SLC45A4: variants seen among roughly 807,000 people sequenced by gnomAD.
SLC45A4 encodes the protein polyamine-transporter SLC45A4.
SLC45A4 carries 32 observed loss-of-function variants against 63.7 expected under a neutral mutation model. The observed-to-expected ratio is 0.50, with a 90% CI of 0.38 to 0.67. The LOEUF (loss-of-function observed/expected upper bound fraction) is 0.67. Ranked by LOEUF, SLC45A4 falls within the 30% of genes least tolerant of loss-of-function variation. The pLI, the probability that SLC45A4 is intolerant of heterozygous loss-of-function variation, is 0.00. For synonymous variants in SLC45A4, 535 were observed against 510.0 expected, an observed-to-expected ratio of 1.05 and a Z score of -0.66; for missense variants, 1,027 against 1,157.7, an observed-to-expected ratio of 0.89 and a Z score of 1.64.
At chr8:141,299,615 A>T (rs1830678072) in intron 1 of SLC45A4, among the ~76,000 whole-genome samples, 1 of 152,204 alleles carries the variant, frequency 6.6e-6, no homozygotes, top group African/African-American at 2.4e-5. Context: ...GAGGACTTCC[A>T]CACTCCAAGC....
rs1825756201 is a variant in SLC45A4 at position 141,210,701 on chromosome 8, T to C, written c.*871A>G. 6.6e-6 allele frequency: 1 copy of C among 152,232 alleles called. No homozygotes were observed. The highest frequency in any genetic ancestry group is 1.5e-5 in the Non-Finnish European group (1 of 68,036). The allele number at this position is 152,232 out of a possible 1,614,324, so 9.4% of individuals were successfully genotyped here. A position where few individuals can be genotyped will look rare whatever the true frequency, so the allele number is the denominator to read the frequency against. On this transcript the variant is annotated 3_prime_UTR_variant, in exon 9 of 9. Coordinates refer to ENST00000517878, the MANE Select transcript of SLC45A4 (RefSeq NM_001286646.2). ...ATATATATTTGCTCTAGAATGATCA[T>C]ATTGCAGCATGATTCTCATGCATTT...
Position 141,229,590 on chromosome 8 carries a change from A to AACAAGCAC in SLC45A4, c.242-7833_242-7826dup, listed in dbSNP as rs1288273181. On this transcript the variant is annotated intron_variant, in intron 2 of 8. Coordinates refer to ENST00000517878, the MANE Select transcript of SLC45A4 (RefSeq NM_001286646.2). The surrounding 1 kb of genome is among the most constrained non-coding windows in gnomAD (Gnocchi z 5.0). ...CAGGACCGCATCCTAGGAGGCTCTC[A>AACAAGCAC]ACAAGCACGTGGCAGGTGACGGCAC... is the stretch of plus-strand genomic sequence containing the variant. 6.6e-6 allele frequency among the ~76,000 whole-genome samples: 1 copy of AACAAGCAC among 152,092 alleles called. No homozygotes were observed. Among genetic ancestry groups the AACAAGCAC allele is most frequent in the African/African-American group, 2.4e-5 (1 of 41,420 alleles).
intron 1 of SLC45A4, among the ~76,000 whole-genome samples, chr8:141,286,402 G>A (rs1830147236): frequency 6.6e-6 from 1 of 152,198 alleles, no homozygotes. Flanking sequence ...TACAAGCAGA[G>A]CCAGGTAAGC....
chr8:141,260,497 C>T (rs1429840938), intron 1 of SLC45A4, among the ~76,000 whole-genome samples: 1 of 152,226 alleles, frequency 6.6e-6, no homozygotes, highest in African/African-American at 2.4e-5. Flanking sequence ...CAGCTCACAG[C>T]AGGATGCCAC....
rs531561227 is a variant in SLC45A4 at position 141,274,105 on chromosome 8, G to T, written c.-400-19476C>A. Among the ~76,000 whole-genome samples the T allele has an allele frequency of 3.8e-3, 574 of 151,880 alleles. 8 individuals are homozygous for T. Among genetic ancestry groups the T allele is most frequent in the African/African-American group, 0.013 (548 of 41,392 alleles). On this transcript the variant is annotated intron_variant, in intron 1 of 8. Coordinates refer to ENST00000517878, the MANE Select transcript of SLC45A4 (RefSeq NM_001286646.2). ...ATAGCTGGGCGTGGTGGCAGGCGCCGATAGTCCCAGCTACTCTGGAGGCTG... is the reference window on the plus strand; with the variant it reads ...ATAGCTGGGCGTGGTGGCAGGCGCCTATAGTCCCAGCTACTCTGGAGGCTG...
In SLC45A4 at chr8:141,231,348, G is replaced by A. The variant is rs181295018; in HGVS notation, c.242-9583C>T. 2.9e-3 allele frequency among the ~76,000 whole-genome samples: 446 copies of A among 152,322 alleles called. 4 individuals carry two copies. In the Middle Eastern group the frequency reaches 0.085, roughly 29 times the overall value. ...ACACGCAGGTCCCCGTGAAGGCCAC[G>A]CTGCAAGTTGGTGGGGGGAGGACCA... On this transcript the variant is annotated intron_variant, in intron 2 of 8. Coordinates refer to ENST00000517878, the MANE Select transcript of SLC45A4 (RefSeq NM_001286646.2).
At chr8:141,272,758 T>C (rs1829589628) in intron 1 of SLC45A4, among the ~76,000 whole-genome samples, 2 of 152,150 alleles carry the variant, frequency 1.3e-5, no homozygotes, top group African/African-American at 4.8e-5. Flanking sequence ...CAGCGCTGCC[T>C]GGAGCCGAGT....
chr8:141,243,689 T>C (rs753526788), intron 2 of SLC45A4, among the ~76,000 whole-genome samples: 2 of 152,046 alleles, frequency 1.3e-5, no homozygotes, highest in Non-Finnish European at 2.9e-5. Context: ...GGGTTTGAAC[T>C]GTACCGTCCA....
chr8:141,273,303 T>C (rs1222703917), intron 1 of SLC45A4, among the ~76,000 whole-genome samples: 2 of 152,184 alleles, frequency 1.3e-5, no homozygotes. Context: ...TGACCTGGTG[T>C]GTGTGCCAGG....
At chr8:141,299,072 G>A (rs1437814349) in intron 1 of SLC45A4, among the ~76,000 whole-genome samples, 1 of 152,180 alleles carries the variant, frequency 6.6e-6, no homozygotes, top group Admixed American at 6.5e-5. Flanking sequence ...CTAGCAGCGT[G>A]AGTGCTGCTG....
At chr8:141,267,380 C>T (rs958499742) in intron 1 of SLC45A4, among the ~76,000 whole-genome samples, 18 of 152,238 alleles carry the variant, frequency 1.2e-4, no homozygotes, top group Admixed American at 7.2e-4. Flanking sequence ...CACCAGCGAG[C>T]GTACGGCTGT....
intron 1 of SLC45A4, among the ~76,000 whole-genome samples, chr8:141,266,499 T>C (rs190780274): frequency 2.0e-5 from 3 of 152,298 alleles, no homozygotes; most frequent in Non-Finnish European, 4.4e-5. Context: ...CCTCTCCAGA[T>C]GGCCACGGAG....
chr8:141,228,712 G>A (rs1280438606), intron 2 of SLC45A4: 15 of 780,474 alleles, frequency 1.9e-5, no homozygotes, highest in Non-Finnish European at 1.7e-5. Flanking sequence ...TTCCTGAAGA[G>A]CACAAAATGC....
chr8:141,207,850 C>T lies in SLC45A4; in HGVS notation c.*3722G>A, dbSNP rs985955938. 6.6e-6 allele frequency: 1 copy of T among 152,372 alleles called. No homozygotes were observed. The highest frequency in any genetic ancestry group is 2.4e-5 in the African/African-American group (1 of 41,458). 9.4% of individuals were successfully genotyped at this position (152,372 alleles called of 1,614,324 possible). A position where few individuals can be genotyped will look rare whatever the true frequency, so the allele number is the denominator to read the frequency against. ...GGTGACAAGAACTTTGGGCTGGGCCCCCAACATGCTGTGTGCACGGGCCTT... is the reference window on the plus strand; with the variant it reads ...GGTGACAAGAACTTTGGGCTGGGCCTCCAACATGCTGTGTGCACGGGCCTT... On this transcript the variant is annotated 3_prime_UTR_variant, in exon 9 of 9. Coordinates refer to ENST00000517878, the MANE Select transcript of SLC45A4 (RefSeq NM_001286646.2).
intron 1 of SLC45A4, among the ~76,000 whole-genome samples, chr8:141,303,723 T>C (rs146549078): frequency 3.3e-4 from 51 of 152,270 alleles, no homozygotes; most frequent in African/African-American, 1.1e-3. Context: ...TGGAAGGGAC[T>C]TTTCAATGCA....
chr8:141,211,916 GAAATT>G, intron 8 of SLC45A4: 1 of 1,245,172 alleles, frequency 8.0e-7, no homozygotes, highest in Non-Finnish European at 1.0e-6. Flanking sequence ...TAAAAGAGCT[GAAATT>G]AAAATATCTT....
chr8:141,238,579 C>T (rs1397609551), intron 2 of SLC45A4, among the ~76,000 whole-genome samples: 1 of 152,188 alleles, frequency 6.6e-6, no homozygotes, highest in African/African-American at 2.4e-5. Context: ...TTCACCGAGT[C>T]TATCCAGCTG....
At chr8:141,234,970 C>G (rs375506206) in intron 2 of SLC45A4, among the ~76,000 whole-genome samples, 1 of 152,188 alleles carries the variant, frequency 6.6e-6, no homozygotes, top group African/African-American at 2.4e-5. Context: ...CTGCCTTCCC[C>G]GAGGACAGGA....
rs564016568 is a variant in SLC45A4 at position 141,301,734 on chromosome 8, C to CAAAAAAAAAAAAAAAAAA, written c.-401+6344_-401+6361dup. On this transcript the variant is annotated intron_variant, in intron 1 of 8. Coordinates refer to ENST00000517878, the MANE Select transcript of SLC45A4 (RefSeq NM_001286646.2). ...TGGGGGACAGAATGAGACCCTATCT[C>CAAAAAAAAAAAAAAAAAA]AAAAAAAAAAAAAAAAAAAAAAAAA... is the stretch of plus-strand genomic sequence containing the variant. Among the ~76,000 whole-genome samples, 197 of 39,576 alleles carry CAAAAAAAAAAAAAAAAAA rather than the reference C, an allele frequency of 5.0e-3. 24 individuals are homozygous for CAAAAAAAAAAAAAAAAAA. Among genetic ancestry groups the CAAAAAAAAAAAAAAAAAA allele is most frequent in the Admixed American group, 8.2e-3 (20 of 2,430 alleles). 26.0% of individuals were successfully genotyped at this position (39,576 alleles called of 152,430 possible).
Sources: gnomAD v4.1 joint callset for allele counts (sites outside exome capture counted in the v4.1 genomes callset) on GRCh38, gnomAD v4.1.1 for gene constraint, Gnocchi (gnomAD v3.1) non-coding constraint, MANE v1.5 for transcripts, NCBI Gene and HGNC (gene_info 2026-07-23, HGNC 2026-07-21) for gene names.